Variants in FOXP1 observed in about 807,000 individuals in gnomAD.
The protein encoded by FOXP1 is forkhead box protein P1.
Under a neutral mutation model 98.2 loss-of-function variants are expected in FOXP1, and 15 were observed. The ratio of observed to expected loss-of-function variants is 0.15; its 90% CI spans 0.10 to 0.24. The LOEUF is 0.24. Ranked by LOEUF, FOXP1 falls within the 10% of genes least tolerant of loss-of-function variation. FOXP1 has a pLI of 1.00. For missense variants in FOXP1, 633 were observed against 848.5 expected, an observed-to-expected ratio of 0.75 and a Z score of 3.15; for synonymous variants, 371 against 314.5, an observed-to-expected ratio of 1.18 and a Z score of -1.90.
At chr3:71,057,327 T>TTTC (rs1553715362) in intron 7 of FOXP1, among the ~76,000 whole-genome samples, 5 of 134,286 alleles carry the variant, frequency 3.7e-5, no homozygotes, top group Non-Finnish European at 7.7e-5. Context: ...TTTTTTTTTT[T>TTTC]CAGATTTCAT....
rs561477531 is a variant in FOXP1 at position 71,306,010 on chromosome 3, C to G, written c.-72-6130G>C. ...CTGGCTCTCAGGGCTCCCAGGCTGGCGGCAGTGTGAGGAAGGACTGAAGGT... is the reference window on the plus strand; with the variant it reads ...CTGGCTCTCAGGGCTCCCAGGCTGGGGGCAGTGTGAGGAAGGACTGAAGGT... On this transcript the variant is annotated intron_variant, in intron 4 of 20. Transcript: ENST00000649528. The G allele has an allele frequency of 2.0e-5, 3 of 152,574 alleles. No individual in the cohort carries two copies. In the South Asian group the frequency reaches 6.2e-4, roughly 32 times the overall value. The allele number at this position is 152,574 out of a possible 1,614,324, so 9.5% of individuals were successfully genotyped here. A position where few individuals can be genotyped will look rare whatever the true frequency, so the allele number is the denominator to read the frequency against.
At chr3:71,319,553 C>T (rs987622100) in intron 4 of FOXP1, among the ~76,000 whole-genome samples, 1 of 151,998 alleles carries the variant, frequency 6.6e-6, no homozygotes, top group Non-Finnish European at 1.5e-5. Context: ...GTCTCATAGC[C>T]CCCTACTCTC....
At chr3:71,176,966 G>C (rs1485375366) in intron 6 of FOXP1, among the ~76,000 whole-genome samples, 2 of 151,996 alleles carry the variant, frequency 1.3e-5, no homozygotes, top group Non-Finnish European at 2.9e-5. Flanking sequence ...AGGAGTTTGA[G>C]GCAAGAGGAT....
chr3:71,376,179 T>A (rs2079697233), intron 3 of FOXP1, among the ~76,000 whole-genome samples: 2 of 152,160 alleles, frequency 1.3e-5, no homozygotes, highest in Admixed American at 1.3e-4. Context: ...TACTGAATTA[T>A]TTCACCTCCA....
At chr3:71,048,045 C>T (rs1223011423) in intron 9 of FOXP1, among the ~76,000 whole-genome samples, 1 of 152,040 alleles carries the variant, frequency 6.6e-6, no homozygotes, top group Admixed American at 6.6e-5. Flanking sequence ...TATCTAATAT[C>T]CTTAATCTGC....
At chr3:71,519,025 C>G (rs944946146) in intron 2 of FOXP1, among the ~76,000 whole-genome samples, 1 of 152,194 alleles carries the variant, frequency 6.6e-6, no homozygotes. Context: ...ACGGGCGGAT[C>G]GCCTGAGATC....
intron 4 of FOXP1, among the ~76,000 whole-genome samples, chr3:71,344,837 A>T (rs1398842635): frequency 2.6e-5 from 1 of 38,644 alleles, no homozygotes; most frequent in African/African-American, 8.2e-5. Context: ...CGTCTCAATT[A>T]AAAAAAAAAT....
chr3:71,295,253 T>C (rs950980045), intron 5 of FOXP1, among the ~76,000 whole-genome samples: 4 of 152,210 alleles, frequency 2.6e-5, no homozygotes, highest in Non-Finnish European at 5.9e-5. Context: ...AAATGCTAAA[T>C]ACTCTAAAAA....
chr3:71,465,136 C>T (rs545535256), intron 3 of FOXP1, among the ~76,000 whole-genome samples: 4 of 151,950 alleles, frequency 2.6e-5, no homozygotes, highest in South Asian at 4.2e-4. Flanking sequence ...GGAGAAACCC[C>T]GTCTCTATTG....
chr3:71,043,101 G>A (rs929597655), intron 10 of FOXP1, among the ~76,000 whole-genome samples: 8 of 152,146 alleles, frequency 5.3e-5, no homozygotes, highest in Admixed American at 2.0e-4. Flanking sequence ...AAAAACAGTT[G>A]GTCCCTCCTA....
intron 5 of FOXP1, among the ~76,000 whole-genome samples, chr3:71,252,851 C>T (rs185899296): frequency 3.9e-5 from 6 of 152,332 alleles, no homozygotes; most frequent in Admixed American, 3.9e-4. Context: ...CTTACTCTAA[C>T]ATGTAACAGC....
intron 5 of FOXP1, among the ~76,000 whole-genome samples, chr3:71,297,816 A>AGGTTTCACCG (rs1485327843): frequency 6.6e-6 from 1 of 151,704 alleles, no homozygotes; most frequent in East Asian, 1.9e-4. Context: ...GGGTTTCACC[A>AGGTTTCACCG]GGTTGGTCTC....
intron 3 of FOXP1, among the ~76,000 whole-genome samples, chr3:71,411,278 C>CGCGT (rs1553875423): frequency 8.5e-5 from 12 of 141,684 alleles, no homozygotes; most frequent in Admixed American, 1.4e-4. Flanking sequence ...GCTGAATGGG[C>CGCGT]GTGTGTGTGT....
intron 5 of FOXP1, among the ~76,000 whole-genome samples, chr3:71,261,852 T>C (rs1040453439): frequency 2.0e-5 from 3 of 152,264 alleles, no homozygotes; most frequent in South Asian, 2.1e-4. Context: ...ATAGTCGACA[T>C]TTTCCAATAA....
intron 13 of FOXP1, among the ~76,000 whole-genome samples, chr3:70,995,482 A>G (rs1374339679): frequency 6.6e-6 from 1 of 152,202 alleles, no homozygotes; most frequent in East Asian, 1.9e-4. Context: ...GAATCTGTCA[A>G]AAAAGAACAG....
intron 5 of FOXP1, among the ~76,000 whole-genome samples, chr3:71,288,068 C>T (rs915887936): frequency 1.5e-4 from 23 of 152,008 alleles, no homozygotes; most frequent in African/African-American, 4.8e-4. Flanking sequence ...TTAGTAGAGA[C>T]GGGGTTTCTC....
At chr3:71,205,000 AT>A (rs1177817013) in intron 5 of FOXP1, among the ~76,000 whole-genome samples, 2 of 152,142 alleles carry the variant, frequency 1.3e-5, no homozygotes. Context: ...CCAATACCAC[AT>A]TTTCATAATT....
chr3:71,151,002 G>A (rs1287718062), intron 6 of FOXP1, among the ~76,000 whole-genome samples: 3 of 152,144 alleles, frequency 2.0e-5, no homozygotes, highest in African/African-American at 2.4e-5. Context: ...TAGGCTCCAA[G>A]TCTGAAAATT....
chr3:71,010,434 CTGTT>C (rs1202654696), intron 12 of FOXP1, among the ~76,000 whole-genome samples: 1 of 152,098 alleles, frequency 6.6e-6, no homozygotes, highest in Non-Finnish European at 1.5e-5. Flanking sequence ...CTAGCATAAA[CTGTT>C]TGTGAGGATT....
Sources: gnomAD v4.1 joint callset for allele counts (sites outside exome capture counted in the v4.1 genomes callset) on GRCh38, gnomAD v4.1.1 for gene constraint, MANE v1.5 for transcripts, NCBI Gene and HGNC (gene_info 2026-07-23, HGNC 2026-07-21) for gene names.